Variants in PRKN observed in about 807,000 individuals in gnomAD.
PRKN encodes E3 ubiquitin-protein ligase parkin.
A neutral mutation model predicts 59.5 loss-of-function variants in PRKN; 56 were observed. The ratio of observed to expected loss-of-function variants is 0.94; its 90% CI spans 0.76 to 1.18. The LOEUF is 1.18. Among genes scored for constraint, PRKN ranks in the 50% most tolerant of loss-of-function variants. The probability of loss-of-function intolerance (pLI) is 0.00; values close to 1 mark genes in which losing one functional copy is unlikely to be tolerated. For synonymous variants in PRKN, 250 were observed against 222.1 expected (o/e 1.13, Z -1.12); for missense variants, 657 against 596.4 (o/e 1.10, Z -1.06).
Position 162,248,970 on chromosome 6 carries a change from C to T in PRKN, c.412+13555G>A, listed in dbSNP as rs113877976. 1.7e-3 allele frequency among the ~76,000 whole-genome samples: 254 copies of T among 152,072 alleles called. 7 individuals are homozygous for T. Among genetic ancestry groups the T allele is most frequent in the African/African-American group, 5.8e-3 (239 of 41,506 alleles). ...CTCGGCTCACTGCCACCTCCACCTT[C>T]CAGGTTCAGTGGATTCTCCTGCCTC... On this transcript the variant is annotated intron_variant, in intron 3 of 11. Coordinates refer to ENST00000366898, the MANE Select transcript of PRKN (RefSeq NM_004562.3).
chr6:162,658,377 A>C (rs531366858), intron 1 of PRKN, among the ~76,000 whole-genome samples: 145 of 152,340 alleles, frequency 9.5e-4, no homozygotes, highest in Non-Finnish European at 2.2e-4. Context: ...CTATGATATA[A>C]GAAAGTGTGT....
At chr6:162,568,609 A>G in intron 1 of PRKN, 1 of 890,010 alleles carries the variant, frequency 1.1e-6, no homozygotes, top group Non-Finnish European at 1.9e-6. Flanking sequence ...ACCCTCAACA[A>G]CAAGTTTGCC....
chr6:162,289,705 T>A (rs565931709), intron 2 of PRKN, among the ~76,000 whole-genome samples: 1 of 151,528 alleles, frequency 6.6e-6, no homozygotes, highest in South Asian at 2.1e-4. Flanking sequence ...AAAAAAGATT[T>A]TTTGAAGAAC....
intron 6 of PRKN, among the ~76,000 whole-genome samples, chr6:161,815,719 G>A (rs1278643296): frequency 6.6e-6 from 1 of 152,168 alleles, no homozygotes; most frequent in African/African-American, 2.4e-5. Context: ...CAGGGAGGGA[G>A]ACCCCAGCGG....
At chr6:162,344,099 T>C (rs1784299346) in intron 2 of PRKN, among the ~76,000 whole-genome samples, 1 of 152,194 alleles carries the variant, frequency 6.6e-6, no homozygotes, top group African/African-American at 2.4e-5. Flanking sequence ...AAAGTTTGTT[T>C]TGAGGTGCCA....
chr6:162,100,520 C>T (rs1779923887), intron 4 of PRKN, among the ~76,000 whole-genome samples: 1 of 151,602 alleles, frequency 6.6e-6, no homozygotes, highest in Non-Finnish European at 1.5e-5. Flanking sequence ...CATCTCACTG[C>T]AACCTCTCCC....
At chr6:162,200,871 T>C (rs2128330237) in intron 4 of PRKN, among the ~76,000 whole-genome samples, 1 of 152,244 alleles carries the variant, frequency 6.6e-6, no homozygotes, top group East Asian at 1.9e-4. Context: ...GCCAAAGCAC[T>C]CTCCATACTT....
chr6:162,405,496 T>C (rs758154801), intron 2 of PRKN, among the ~76,000 whole-genome samples: 2 of 152,098 alleles, frequency 1.3e-5, no homozygotes, highest in Non-Finnish European at 2.9e-5. Context: ...GTCCACGGTG[T>C]GTGGTGATGG....
Position 162,379,710 on chromosome 6 carries a change from G to C in PRKN, c.171+63600C>G, listed in dbSNP as rs1008414062. Reference sequence around the variant, plus strand: ...TAGGCAGGTTTCCTTGGCGTCTCCTGGGGACGTCACATATTATCCTCCATT... The same window carrying C: ...TAGGCAGGTTTCCTTGGCGTCTCCTCGGGACGTCACATATTATCCTCCATT... On this transcript the variant is annotated intron_variant, in intron 2 of 11. Transcript: ENST00000366898. Among the ~76,000 whole-genome samples the C allele has an allele frequency of 5.9e-5, 9 of 152,200 alleles. No homozygotes were observed. The South Asian group carries it at 1.9e-3, about 32-fold the overall frequency.
intron 5 of PRKN, among the ~76,000 whole-genome samples, chr6:162,007,422 G>C (rs1221150857): frequency 6.6e-6 from 1 of 152,166 alleles, no homozygotes; most frequent in Non-Finnish European, 1.5e-5. Context: ...CACCGTCCCA[G>C]AGTATAATGT....
chr6:162,585,509 A>T (rs67042566), intron 1 of PRKN, among the ~76,000 whole-genome samples: 15,577 of 152,176 alleles, frequency 0.1, 942 homozygotes, highest in Middle Eastern at 0.19. Context: ...GCAGGGCATT[A>T]GTGTTTACAA....
At chr6:162,693,498 T>C (rs1168960460) in intron 1 of PRKN, among the ~76,000 whole-genome samples, 1 of 152,172 alleles carries the variant, frequency 6.6e-6, no homozygotes, top group Non-Finnish European at 1.5e-5. Flanking sequence ...CCCTAACAGA[T>C]GTGAGGGCGG....
At chr6:161,901,550 C>T (rs1270688416) in intron 6 of PRKN, among the ~76,000 whole-genome samples, 1 of 152,092 alleles carries the variant, frequency 6.6e-6, no homozygotes, top group Non-Finnish European at 1.5e-5. Context: ...TCAAATATTC[C>T]ACTCCACTCT....
rs116686898 is a variant in PRKN, at chr6:161,634,681, G to A, written c.872-65265C>T. Among the ~76,000 whole-genome samples the A allele has an allele frequency of 3.9e-3, 598 of 152,284 alleles. 6 individuals carry two copies. The highest frequency in any genetic ancestry group is 0.014 in the African/African-American group (573 of 41,558). On this transcript the variant is annotated intron_variant, in intron 7 of 11. Coordinates refer to ENST00000366898, the MANE Select transcript of PRKN (RefSeq NM_004562.3). ...TTGGTCTTCCCAGGAGAGAAGAGCC[G>A]TGGAATTTACCTGGAGATGCTCTGT...
chr6:162,112,345 T>C (rs73014691), intron 4 of PRKN, among the ~76,000 whole-genome samples: 5,987 of 152,308 alleles, frequency 0.039, 172 homozygotes, highest in Non-Finnish European at 0.061. Flanking sequence ...TAGGTATTCA[T>C]GTCTATACAA....
At chr6:162,533,181 T>A (rs548471205) in intron 1 of PRKN, among the ~76,000 whole-genome samples, 9 of 152,330 alleles carry the variant, frequency 5.9e-5, no homozygotes, top group Non-Finnish European at 1.5e-5. Flanking sequence ...GCACTCATGT[T>A]TTACCCAGTT....
At chr6:161,696,148 T>C (rs182339761) in intron 7 of PRKN, among the ~76,000 whole-genome samples, 1 of 152,284 alleles carries the variant, frequency 6.6e-6, no homozygotes, top group East Asian at 1.9e-4. Context: ...GAGAGTCAGA[T>C]GACAATCAGT....
intron 7 of PRKN, among the ~76,000 whole-genome samples, chr6:161,595,481 C>T (rs751710908): frequency 3.3e-5 from 5 of 152,178 alleles, no homozygotes; most frequent in African/African-American, 4.8e-5. Context: ...ACTTTTTATT[C>T]TTTTCACAAT....
intron 7 of PRKN, among the ~76,000 whole-genome samples, chr6:161,681,560 T>C (rs548083267): frequency 1.4e-3 from 212 of 152,248 alleles, no homozygotes; most frequent in Non-Finnish European, 2.8e-3. Context: ...TTTCCTACAA[T>C]GCTCATTTCT....
Sources: gnomAD v4.1 joint callset for allele counts (sites outside exome capture counted in the v4.1 genomes callset) on GRCh38, gnomAD v4.1.1 for gene constraint, MANE v1.5 for transcripts, NCBI Gene and HGNC (gene_info 2026-07-23, HGNC 2026-07-21) for gene names.